Variants in TASP1 observed in about 807,000 individuals in gnomAD.
TASP1 encodes taspase 1, also known as threonine aspartase 1.
In TASP1, 16 loss-of-function variants were observed where a neutral mutation model predicts 56.6. That is an observed-to-expected ratio of 0.28 (90% CI 0.19 to 0.43). The LOEUF is 0.43. Ranked by LOEUF, TASP1 falls within the 20% of genes least tolerant of loss-of-function variation. TASP1 has a pLI of 1.00. For synonymous variants in TASP1, 179 were observed against 184.2 expected (o/e 0.97, Z 0.23); for missense variants, 393 against 511.6 (o/e 0.77, Z 2.24).
intron 4 of TASP1, chr20:13,617,106 G>C (rs1186556641): frequency 6.6e-6 from 3 of 455,328 alleles, no homozygotes; most frequent in African/African-American, 2.0e-5. Context: ...TCCATGAAGT[G>C]TAACTGTGTG....
chr20:13,133,267 C>A, the TASP1 span, among the ~76,000 whole-genome samples: 1 of 152,170 alleles, frequency 6.6e-6, no homozygotes, highest in Non-Finnish European at 1.5e-5. Context: ...GGACCCTCTA[C>A]CCCCAGAGAT....
chr20:13,584,644 C>T (rs1973948), intron 5 of TASP1, among the ~76,000 whole-genome samples: 23,211 of 152,170 alleles, frequency 0.15, 2,061 homozygotes, highest in Middle Eastern at 0.22. Flanking sequence ...TTGAAGTTCA[C>T]GTGGAAATTT....
the TASP1 span, among the ~76,000 whole-genome samples, chr20:13,228,161 T>C: frequency 0.29 from 43,766 of 151,470 alleles, 6,604 homozygotes; most frequent in African/African-American, 0.39. Context: ...TTAGTAGAGA[T>C]GGAGTTTCAC....
At chr20:13,600,804 C>A (rs554921948) in intron 4 of TASP1, among the ~76,000 whole-genome samples, 5 of 152,076 alleles carry the variant, frequency 3.3e-5, no homozygotes, top group Non-Finnish European at 7.4e-5. Context: ...TACATACATA[C>A]ATAGGTTAGT....
chr20:13,636,497 T>C (rs1442207474), intron 1 of TASP1, among the ~76,000 whole-genome samples: 1 of 151,966 alleles, frequency 6.6e-6, no homozygotes, highest in Non-Finnish European at 1.5e-5. Flanking sequence ...ATTGAAGGTT[T>C]AATGCCTCAT....
chr20:13,508,316 T>C (rs1480204343), intron 10 of TASP1, among the ~76,000 whole-genome samples: 2 of 151,910 alleles, frequency 1.3e-5, no homozygotes, highest in African/African-American at 2.4e-5. Context: ...AAGCAATCCA[T>C]TGAATGGGAA....
intron 11 of TASP1, among the ~76,000 whole-genome samples, chr20:13,465,168 T>C (rs7348566): frequency 0.056 from 7,872 of 139,586 alleles, 344 homozygotes; most frequent in African/African-American, 0.12. Context: ...AAGACCCCCT[T>C]TCTCTCTCCC....
At chr20:13,612,547 G>A (rs1260320732) in intron 4 of TASP1, among the ~76,000 whole-genome samples, 1 of 149,594 alleles carries the variant, frequency 6.7e-6, no homozygotes, top group Non-Finnish European at 1.5e-5. Flanking sequence ...ACACAGAAGC[G>A]CATGGGAGGT....
intron 13 of TASP1, among the ~76,000 whole-genome samples, chr20:13,391,422 A>G (rs542212417): frequency 6.6e-6 from 1 of 152,268 alleles, no homozygotes; most frequent in East Asian, 1.9e-4. Context: ...AATGTCTGGA[A>G]TTTCTAAGAA....
chr20:13,242,618 C>T, the TASP1 span, among the ~76,000 whole-genome samples: 2 of 152,118 alleles, frequency 1.3e-5, no homozygotes, highest in Admixed American at 6.5e-5. Context: ...CTGGGGGAGC[C>T]ATGATGGGAA....
chr20:13,562,200 G>C (rs1233461256), intron 7 of TASP1, among the ~76,000 whole-genome samples: 1 of 152,154 alleles, frequency 6.6e-6, no homozygotes, highest in East Asian at 1.9e-4. Context: ...AAAGGAATCA[G>C]AAAATCCTCA....
chr20:13,298,588 T>C, the TASP1 span, among the ~76,000 whole-genome samples: 2 of 152,264 alleles, frequency 1.3e-5, no homozygotes, highest in Non-Finnish European at 2.9e-5. Flanking sequence ...AAAACAAATA[T>C]AATAATAGTT....
At chr20:13,380,301 T>A in the TASP1 span, among the ~76,000 whole-genome samples, 5 of 152,228 alleles carry the variant, frequency 3.3e-5, no homozygotes, top group African/African-American at 1.2e-4. Context: ...TTCCTTTTTG[T>A]TTGTTAGTTT....
chr20:13,436,559 T>C (rs73610472), intron 11 of TASP1, among the ~76,000 whole-genome samples: 2 of 152,096 alleles, frequency 1.3e-5, no homozygotes, highest in East Asian at 1.9e-4. Flanking sequence ...ATATTTACTC[T>C]CTAAAGAAGG....
the TASP1 span, among the ~76,000 whole-genome samples, chr20:13,243,368 C>T: frequency 1.3e-5 from 2 of 152,166 alleles, no homozygotes; most frequent in African/African-American, 2.4e-5. Flanking sequence ...ATAGATCATC[C>T]TTTGATGCGG....
chr20:13,412,683 C>G (rs2042129794), intron 13 of TASP1, among the ~76,000 whole-genome samples: 1 of 152,068 alleles, frequency 6.6e-6, no homozygotes, highest in African/African-American at 2.4e-5. Flanking sequence ...TATACATTCA[C>G]TAAGTTTTTT....
intron 4 of TASP1, among the ~76,000 whole-genome samples, chr20:13,619,930 TAAAC>T (rs1568659105): frequency 1.3e-5 from 2 of 152,124 alleles, no homozygotes; most frequent in Non-Finnish European, 1.5e-5. Context: ...ATTTTGAAGA[TAAAC>T]AAAATATATT....
intron 1 of TASP1, among the ~76,000 whole-genome samples, chr20:13,632,887 A>G (rs748409048): frequency 6.6e-5 from 10 of 152,244 alleles, no homozygotes; most frequent in Non-Finnish European, 1.5e-4. Flanking sequence ...GAAAAATTAC[A>G]TAATAGCTTA....
At chr20:13,211,581 C>T in the TASP1 span, among the ~76,000 whole-genome samples, 1 of 152,104 alleles carries the variant, frequency 6.6e-6, no homozygotes, top group Non-Finnish European at 1.5e-5. Flanking sequence ...TCAGATGTTA[C>T]CGTTATCCCT....
Sources: gnomAD v4.1 joint callset for allele counts (sites outside exome capture counted in the v4.1 genomes callset) on GRCh38, gnomAD v4.1.1 for gene constraint, MANE v1.5 for transcripts, NCBI Gene and HGNC (gene_info 2026-07-23, HGNC 2026-07-21) for gene names.